TENT5D: variants seen among roughly 807,000 people sequenced by gnomAD.
TENT5D encodes terminal nucleotidyltransferase 5D, also known as cancer/testis antigen 112.
For missense variants in TENT5D, 191 were observed against 287.0 expected (o/e 0.67, Z 2.42); for synonymous variants, 103 against 100.6 (o/e 1.02, Z -0.15).
At chrX:80,440,815 T>C (rs1237959374) in intron 2 of TENT5D, among the ~76,000 whole-genome samples, 1 of 111,454 alleles carries the variant, frequency 9.0e-6, no homozygotes, top group East Asian at 2.8e-4. Flanking sequence ...ATTAGGTAAA[T>C]TGTTTTTCTT....
chrX:80,393,420 C>T (rs187208730), intron 3 of TENT5D, among the ~76,000 whole-genome samples: 115 of 110,220 alleles, frequency 1.0e-3, no homozygotes, highest in African/African-American at 3.6e-3. Context: ...TGGGTAATTT[C>T]CTTTGTTATT....
At chrX:80,404,577 C>A (rs1297249074) in intron 3 of TENT5D, among the ~76,000 whole-genome samples, 1 of 111,793 alleles carries the variant, frequency 8.9e-6, no homozygotes, top group Non-Finnish European at 1.9e-5. Context: ...GCCCTTAAAT[C>A]TCATGCACTC....
intron 3 of TENT5D, among the ~76,000 whole-genome samples, chrX:80,400,143 C>T (rs983558383): frequency 2.7e-5 from 3 of 111,432 alleles, no homozygotes; most frequent in Non-Finnish European, 3.8e-5. Context: ...GGGCCAAAAA[C>T]CTCAGGACCC....
chrX:80,355,517 C>G (rs1223920708), intron 3 of TENT5D, among the ~76,000 whole-genome samples: 2 of 111,984 alleles, frequency 1.8e-5, no homozygotes, highest in Non-Finnish European at 3.8e-5. Flanking sequence ...ACCTTCTGGG[C>G]TCTGCACAGG....
intron 3 of TENT5D, among the ~76,000 whole-genome samples, chrX:80,344,177 A>G (rs896779736): frequency 9.2e-6 from 1 of 108,723 alleles, no homozygotes; most frequent in Admixed American, 1.0e-4. Flanking sequence ...TATGTACCAC[A>G]TTTTCTTTAT....
chrX:80,403,624 C>G (rs764501909), intron 3 of TENT5D, among the ~76,000 whole-genome samples: 4 of 112,373 alleles, frequency 3.6e-5, no homozygotes, highest in Non-Finnish European at 7.5e-5. Flanking sequence ...TTGTGGCAAG[C>G]TTCCCTGTGC....
intron 3 of TENT5D, among the ~76,000 whole-genome samples, chrX:80,407,050 T>C (rs1931514506): frequency 9.2e-6 from 1 of 108,163 alleles, no homozygotes; most frequent in Admixed American, 1.0e-4. Context: ...AAGCAAATGC[T>C]GAGAGATTTT....
At chrX:80,424,376 G>A (rs1436394581) in intron 1 of TENT5D, among the ~76,000 whole-genome samples, 1 of 111,842 alleles carries the variant, frequency 8.9e-6, no homozygotes. Flanking sequence ...GCTTGGCTTC[G>A]GTTAGCTTTC....
At chrX:80,336,863 T>C (rs1020177882) in intron 2 of TENT5D, among the ~76,000 whole-genome samples, 2 of 112,131 alleles carry the variant, frequency 1.8e-5, no homozygotes, top group East Asian at 2.8e-4. Context: ...TCTGAAGATA[T>C]TTGTTGTTAG....
intron 1 of TENT5D, among the ~76,000 whole-genome samples, chrX:80,436,474 G>A (rs1932184057): frequency 9.1e-6 from 1 of 110,416 alleles, no homozygotes; most frequent in African/African-American, 3.3e-5. Context: ...CACGTGCCAT[G>A]GTGGTTTGCT....
In TENT5D at chrX:80,336,191, C is replaced by G. The variant is rs942879797; in HGVS notation, c.-207+475C>G. Among the ~76,000 whole-genome samples, 21 of 110,814 alleles carry G rather than the reference C, an allele frequency of 1.9e-4. 1 individual carries two copies. Among genetic ancestry groups the G allele is most frequent in the African/African-American group, 6.9e-4 (21 of 30,524 alleles). On this transcript the variant is annotated intron_variant, in intron 2 of 4. Coordinates refer to the TENT5D transcript ENST00000538312. ...TTAACAAGTTTGACGAATTTTTTTC[C>G]CATCTTTAGTGTTTCAATATATAGG...
At chrX:80,405,495 A>T (rs925684142) in intron 3 of TENT5D, among the ~76,000 whole-genome samples, 1 of 112,481 alleles carries the variant, frequency 8.9e-6, no homozygotes, top group Admixed American at 9.4e-5. Flanking sequence ...GCGGTGACGG[A>T]CGCACCTGGA....
Position 80,339,872 on chromosome X carries a change from T to TAGAG in TENT5D, c.-206-2607_-206-2604dup, listed in dbSNP as rs745730739. ...GTTATCGGAAATATATATATATATA[T>TAGAG]AGAGAGAGAGAGAGAGAGAGAGAGT... is the stretch of plus-strand genomic sequence containing the variant. On this transcript the variant is annotated intron_variant, in intron 2 of 4. Coordinates refer to the TENT5D transcript ENST00000538312. Among the ~76,000 whole-genome samples, 1,038 of 103,910 alleles carry TAGAG rather than the reference T, an allele frequency of 1.0e-2. 11 individuals are homozygous for TAGAG. Among genetic ancestry groups the TAGAG allele is most frequent in the South Asian group, 0.031 (71 of 2,319 alleles). 90.2% of individuals were successfully genotyped at this position (103,910 alleles called of 115,157 possible).
chrX:80,390,623 A>T (rs375949216), intron 3 of TENT5D, among the ~76,000 whole-genome samples: 29 of 111,725 alleles, frequency 2.6e-4, no homozygotes, highest in African/African-American at 9.1e-4. Context: ...TGTAGATCTA[A>T]TGGGAACATA....
At chrX:80,380,958 G>A (rs1280231249) in intron 3 of TENT5D, among the ~76,000 whole-genome samples, 3 of 111,482 alleles carry the variant, frequency 2.7e-5, no homozygotes, top group Non-Finnish European at 3.8e-5. Context: ...GCCCATTTAC[G>A]TTTAAGGTTA....
chrX:80,338,592 T>C (rs1266336928), intron 2 of TENT5D, among the ~76,000 whole-genome samples: 1 of 112,728 alleles, frequency 8.9e-6, no homozygotes, highest in Non-Finnish European at 1.9e-5. Flanking sequence ...AAAACATTTA[T>C]GAAACAATTC....
chrX:80,362,773 C>A (rs1259771496), intron 3 of TENT5D, among the ~76,000 whole-genome samples: 1 of 111,544 alleles, frequency 9.0e-6, no homozygotes, highest in Non-Finnish European at 1.9e-5. Context: ...GAAGTTGCCA[C>A]TGCTCTTTTT....
chrX:80,370,537 T>A (rs750671639), intron 3 of TENT5D, among the ~76,000 whole-genome samples: 29 of 112,324 alleles, frequency 2.6e-4, no homozygotes, highest in African/African-American at 8.7e-4. Flanking sequence ...CAATTTTGCA[T>A]ACAGTTTTAA....
At chrX:80,410,883 G>T (rs1191268382) in intron 3 of TENT5D, among the ~76,000 whole-genome samples, 1 of 106,309 alleles carries the variant, frequency 9.4e-6, no homozygotes, top group Non-Finnish European at 1.9e-5. Context: ...AGAAAATGTG[G>T]CACATATACA....
Sources: allele counts gnomAD v4.1 joint callset (sites outside exome capture counted in the v4.1 genomes callset), GRCh38; gene constraint gnomAD v4.1.1; transcripts MANE v1.5; gene names NCBI Gene and HGNC (gene_info 2026-07-23, HGNC 2026-07-21).